Variants in TNR observed in about 807,000 individuals in gnomAD.
TNR encodes tenascin R.
Under a neutral mutation model 150.4 loss-of-function variants are expected in TNR, and 45 were observed. The ratio of observed to expected loss-of-function variants is 0.30; its 90% CI spans 0.24 to 0.38. The LOEUF (loss-of-function observed/expected upper bound fraction) is 0.38, where lower values mean the gene tolerates loss of function less well. TNR is among the 10% of genes least tolerant of loss of function. The pLI is 1.00. For synonymous variants in TNR, 687 were observed against 678.4 expected, an observed-to-expected ratio of 1.01 and a Z score of -0.20; for missense variants, 1,544 against 1,759.1, an observed-to-expected ratio of 0.88 and a Z score of 2.19.
intron 1 of TNR, among the ~76,000 whole-genome samples, chr1:175,734,745 C>T (rs898202332): frequency 4.6e-5 from 7 of 152,212 alleles, no homozygotes; most frequent in Non-Finnish European, 7.3e-5. Flanking sequence ...AAACAGCCCT[C>T]GCAGAAAAGG....
intron 1 of TNR, among the ~76,000 whole-genome samples, chr1:175,682,892 T>C (rs928170574): frequency 6.6e-6 from 1 of 152,248 alleles, no homozygotes; most frequent in East Asian, 1.9e-4. Context: ...AAGCCTAAGA[T>C]CTTACTCCTG....
At chr1:175,728,837 G>A (rs1667549240) in intron 1 of TNR, among the ~76,000 whole-genome samples, 6 of 152,202 alleles carry the variant, frequency 3.9e-5, no homozygotes, top group Admixed American at 3.9e-4. Context: ...CTCTTTCCAG[G>A]AGCTTTGCAT....
intron 18 of TNR, among the ~76,000 whole-genome samples, chr1:175,343,345 C>T (rs771928749): frequency 6.6e-6 from 1 of 152,140 alleles, no homozygotes; most frequent in Non-Finnish European, 1.5e-5. Flanking sequence ...CGTCCCTAGG[C>T]CTGGAATGCT....
At chr1:175,555,679 G>A (rs1309983534) in intron 1 of TNR, among the ~76,000 whole-genome samples, 1 of 152,182 alleles carries the variant, frequency 6.6e-6, no homozygotes, top group Non-Finnish European at 1.5e-5. Context: ...CCAAGCTCTT[G>A]TACCCATTTT....
At chr1:175,635,823 C>T (rs1664475465) in intron 1 of TNR, among the ~76,000 whole-genome samples, 1 of 152,156 alleles carries the variant, frequency 6.6e-6, no homozygotes, top group Non-Finnish European at 1.5e-5. Context: ...TTAGCATTAC[C>T]TACATTTGGA....
At chr1:175,498,232 C>G (rs868656519) in intron 2 of TNR, among the ~76,000 whole-genome samples, 1 of 152,202 alleles carries the variant, frequency 6.6e-6, no homozygotes, top group Non-Finnish European at 1.5e-5. Context: ...GAAACTGTTG[C>G]CAGGAGCAGC....
At chr1:175,527,149 T>G (rs1008771210) in intron 2 of TNR, among the ~76,000 whole-genome samples, 1 of 152,244 alleles carries the variant, frequency 6.6e-6, no homozygotes, top group Non-Finnish European at 1.5e-5. Flanking sequence ...CCACCTTCCA[T>G]GTCTGCTTGG....
intron 1 of TNR, among the ~76,000 whole-genome samples, chr1:175,602,203 CAAAAAAAAAAAAAAA>C (rs57341654): frequency 2.1e-3 from 64 of 30,562 alleles, no homozygotes; most frequent in African/African-American, 5.8e-3. Flanking sequence ...GGACCAAAGG[CAAAAAAAAAAAAAAA>C]AAAAAAAAAA....
chr1:175,460,386 C>G (rs535107232), intron 2 of TNR, among the ~76,000 whole-genome samples: 3 of 151,896 alleles, frequency 2.0e-5, no homozygotes, highest in African/African-American at 7.2e-5. Flanking sequence ...CACAGGAGGT[C>G]CCTCACTCCC....
intron 2 of TNR, among the ~76,000 whole-genome samples, chr1:175,480,748 C>T (rs1240553704): frequency 1.3e-5 from 2 of 152,178 alleles, no homozygotes; most frequent in African/African-American, 4.8e-5. Flanking sequence ...AGAACATATC[C>T]TCCAAAGCCA....
At chr1:175,418,583 G>A (rs547926876) in intron 2 of TNR, among the ~76,000 whole-genome samples, 28 of 152,300 alleles carry the variant, frequency 1.8e-4, no homozygotes, top group Admixed American at 5.9e-4. Flanking sequence ...TTAGTTGGGC[G>A]TGGTGGCACA....
At chr1:175,703,574 T>A (rs1666762146) in intron 1 of TNR, among the ~76,000 whole-genome samples, 1 of 152,190 alleles carries the variant, frequency 6.6e-6, no homozygotes, top group African/African-American at 2.4e-5. Flanking sequence ...TTAATTAAGA[T>A]GTAAGTAATG....
At chr1:175,454,535 A>G (rs1445532815) in intron 2 of TNR, among the ~76,000 whole-genome samples, 6 of 152,144 alleles carry the variant, frequency 3.9e-5, no homozygotes, top group Non-Finnish European at 5.9e-5. Flanking sequence ...CAATGGCGCA[A>G]TCTCGGCTCA....
At chr1:175,723,728 A>G (rs1667403641) in intron 1 of TNR, among the ~76,000 whole-genome samples, 1 of 152,146 alleles carries the variant, frequency 6.6e-6, no homozygotes, top group African/African-American at 2.4e-5. Flanking sequence ...TTTTTTAAAA[A>G]TTAGCTGAGC....
rs58857551 is a variant in TNR, at chr1:175,654,965, G to A, written c.-165+88261C>T. ...TCTCGATCTCCTGACCTCGTGATCC[G>A]CCCACCTCAGCCTCCCAAAGTGCTG... On this transcript the variant is annotated intron_variant, in intron 1 of 22. Coordinates refer to ENST00000367674, the MANE Select transcript of TNR (RefSeq NM_003285.3). 3.8e-4 allele frequency among the ~76,000 whole-genome samples: 58 copies of A among 152,038 alleles called. No homozygotes were observed. In the East Asian group the frequency reaches 0.011, roughly 28 times the overall value.
intron 2 of TNR, among the ~76,000 whole-genome samples, chr1:175,412,307 C>T (rs1352433374): frequency 1.3e-5 from 2 of 152,152 alleles, no homozygotes; most frequent in Non-Finnish European, 2.9e-5. Context: ...ACACTCTTCT[C>T]CCCCTGGGTT....
intron 1 of TNR, among the ~76,000 whole-genome samples, chr1:175,547,432 C>G (rs932066786): frequency 2.6e-5 from 4 of 152,016 alleles, no homozygotes; most frequent in African/African-American, 9.7e-5. Context: ...CCCCTGTGTG[C>G]CTTGAGGAGG....
intron 1 of TNR, among the ~76,000 whole-genome samples, chr1:175,697,758 G>A (rs1487363008): frequency 2.0e-5 from 3 of 152,200 alleles, no homozygotes; most frequent in Admixed American, 2.0e-4. Flanking sequence ...CCATGGGCCC[G>A]ATTCAAGCCC....
chr1:175,636,788 T>G (rs775757781), intron 1 of TNR, among the ~76,000 whole-genome samples: 13 of 152,210 alleles, frequency 8.5e-5, no homozygotes, highest in Non-Finnish European at 1.6e-4. Context: ...AACTCATGTT[T>G]GGTGGTTGTA....
Sources: allele counts gnomAD v4.1 joint callset (sites outside exome capture counted in the v4.1 genomes callset), GRCh38; gene constraint gnomAD v4.1.1; transcripts MANE v1.5; gene names NCBI Gene and HGNC (gene_info 2026-07-23, HGNC 2026-07-21).